The following CAST variants were observed in gnomAD, a reference collection of about 807,000 sequenced individuals.
The protein encoded by CAST is MIR583 host.
CAST carries 76 observed loss-of-function variants against 119.6 expected under a neutral mutation model. The observed-to-expected ratio is 0.64, with a 90% CI of 0.53 to 0.77. CAST has a LOEUF of 0.77. Ranked by LOEUF, CAST falls within the 30% of genes least tolerant of loss-of-function variation. CAST has a pLI of 0.00. For missense variants in CAST, 953 were observed against 946.5 expected, an observed-to-expected ratio of 1.01 and a Z score of -0.09; for synonymous variants, 319 against 331.6, an observed-to-expected ratio of 0.96 and a Z score of 0.41.
the CAST span, among the ~76,000 whole-genome samples, chr5:96,387,632 G>A: frequency 6.6e-6 from 1 of 152,030 alleles, no homozygotes; most frequent in African/African-American, 2.4e-5. Flanking sequence ...CCCTACCATG[G>A]AACACTCAAA....
the CAST span, among the ~76,000 whole-genome samples, chr5:96,067,313 T>G: frequency 1.1e-4 from 17 of 152,328 alleles, no homozygotes; most frequent in African/African-American, 4.1e-4. Context: ...AGGAAATCCT[T>G]TGTCAAATAT....
At chr5:96,727,974 G>C (rs17086598) in intron 6 of CAST, among the ~76,000 whole-genome samples, 2 of 152,018 alleles carry the variant, frequency 1.3e-5, no homozygotes, top group African/African-American at 2.4e-5. Context: ...TGGGTTTATC[G>C]TGACAGTCTT....
the CAST span, among the ~76,000 whole-genome samples, chr5:96,343,024 G>A: frequency 6.6e-6 from 1 of 152,034 alleles, no homozygotes; most frequent in Non-Finnish European, 1.5e-5. Context: ...TGGTATTGAA[G>A]GAAATATTTT....
At chr5:96,539,653 C>A (rs937752637) in intron 1 of CAST, among the ~76,000 whole-genome samples, 1 of 152,148 alleles carries the variant, frequency 6.6e-6, no homozygotes, top group Non-Finnish European at 1.5e-5. Context: ...TTCACCTCTT[C>A]ATCCCTGTCT....
chr5:96,498,837 C>T, the CAST span, among the ~76,000 whole-genome samples: 1 of 152,116 alleles, frequency 6.6e-6, no homozygotes, highest in Non-Finnish European at 1.5e-5. Context: ...CTACATGGCT[C>T]ACATTCAGTG....
At chr5:96,408,371 G>T in the CAST span, 1 of 1,342,736 alleles carries the variant, frequency 7.4e-7, no homozygotes, top group East Asian at 2.3e-5. Context: ...CACGTGAGGA[G>T]TGTGGGCCTG....
the CAST span, among the ~76,000 whole-genome samples, chr5:96,057,870 G>T: frequency 6.6e-6 from 1 of 151,996 alleles, no homozygotes; most frequent in South Asian, 2.1e-4. Context: ...TATATTTTTG[G>T]TTTCATTGTG....
the CAST span, among the ~76,000 whole-genome samples, chr5:96,425,003 G>GAA: frequency 1.8e-3 from 191 of 106,436 alleles, no homozygotes; most frequent in African/African-American, 7.8e-3. Context: ...GAAAGAGAAA[G>GAA]AAAGAAAAGA....
the CAST span, among the ~76,000 whole-genome samples, chr5:96,041,962 G>T: frequency 1.3e-5 from 2 of 152,072 alleles, no homozygotes; most frequent in Admixed American, 1.3e-4. Flanking sequence ...TTTGCCACAC[G>T]ATAGTTTCAG....
intron 1 of CAST, among the ~76,000 whole-genome samples, chr5:96,622,281 T>C (rs1250081559): frequency 6.6e-6 from 1 of 152,190 alleles, no homozygotes; most frequent in African/African-American, 2.4e-5. Flanking sequence ...GTTAGCATTC[T>C]TTAAGCAGCC....
At chr5:96,750,738 C>T in intron 20 of CAST, 56 bp downstream of exon 20, 1 of 903,156 alleles carries the variant, frequency 1.1e-6, no homozygotes. Context: ...CTGCCTCCTC[C>T]TGTCACTCTC....
chr5:96,524,593 C>T (rs1745570150), upstream of CAST, among the ~76,000 whole-genome samples: 1 of 152,160 alleles, frequency 6.6e-6, no homozygotes, highest in Admixed American at 6.5e-5. Flanking sequence ...GAAGCATCTC[C>T]CAACCTTGGA....
chr5:96,259,656 C>T, the CAST span, among the ~76,000 whole-genome samples: 1 of 152,098 alleles, frequency 6.6e-6, no homozygotes, highest in African/African-American at 2.4e-5. Context: ...ACATACAGCA[C>T]TTAGCTGAGG....
intron 9 of CAST, among the ~76,000 whole-genome samples, chr5:96,733,583 A>G (rs1291869939): frequency 6.6e-6 from 1 of 152,208 alleles, no homozygotes; most frequent in Non-Finnish European, 1.5e-5. Context: ...TTCTTCTCCC[A>G]TTAAATAGGA....
At chr5:96,764,792 A>G (rs1769261397) in intron 25 of CAST, among the ~76,000 whole-genome samples, 2 of 152,178 alleles carry the variant, frequency 1.3e-5, no homozygotes, top group South Asian at 4.1e-4. Context: ...ATCTGACAAC[A>G]TTAGTAGATG....
chr5:96,631,150 T>G (rs1194543534), intron 1 of CAST: 2 of 140,326 alleles, frequency 1.4e-5, no homozygotes, highest in African/African-American at 5.0e-5. Flanking sequence ...GGACATAAAA[T>G]CCACCATCTT....
At chr5:96,586,062 TCTCATTTATTTTTCACCAG>T (rs911618551) in intron 1 of CAST, among the ~76,000 whole-genome samples, 7 of 152,202 alleles carry the variant, frequency 4.6e-5, no homozygotes, top group Non-Finnish European at 1.0e-4. Context: ...ACATATATTG[TCTCATTTATTTTTCACCAG>T]CTCATTTATT....
At position 96,737,171 on chromosome 5, in the gene CAST, G is replaced by A. The variant is rs529374268; in HGVS notation, c.700-678G>A. 2.6e-5 allele frequency among the ~76,000 whole-genome samples: 4 copies of A among 152,220 alleles called. No individual in the cohort carries two copies. In the East Asian group the frequency reaches 7.7e-4, roughly 29 times the overall value. On this transcript the variant is annotated intron_variant, in intron 10 of 31. Coordinates refer to ENST00000675179, the MANE Select transcript of CAST (RefSeq NM_001750.7). ...TTGACACATGGGGATTACAATTGGA[G>A]TTGAGACTTGGGTGGAGACATGAGC... is the stretch of plus-strand genomic sequence containing the variant.
the CAST span, among the ~76,000 whole-genome samples, chr5:96,431,688 A>G: frequency 1.3e-5 from 2 of 152,188 alleles, no homozygotes; most frequent in African/African-American, 2.4e-5. Context: ...TATAAAGTTG[A>G]GAATGAAGCC....
Sources: allele counts gnomAD v4.1 joint callset (sites outside exome capture counted in the v4.1 genomes callset), GRCh38; gene constraint gnomAD v4.1.1; transcripts MANE v1.5; gene names NCBI Gene and HGNC (gene_info 2026-07-23, HGNC 2026-07-21).